Variants in DRC11 observed in about 807,000 individuals in gnomAD.
DRC11 encodes the protein IQ and AAA domain-containing protein 1.
the DRC11 span, among the ~76,000 whole-genome samples, chr2:236,455,924 C>T: frequency 3.3e-5 from 5 of 152,098 alleles, no homozygotes; most frequent in African/African-American, 4.8e-5. This position sits in a 1 kb window ranked among gnomAD's most constrained non-coding sequence, Gnocchi z 5.7. Context: ...GTTATTATCC[C>T]CTCAGCTGCA....
At chr2:236,438,421 T>C in the DRC11 span, among the ~76,000 whole-genome samples, 4 of 148,698 alleles carry the variant, frequency 2.7e-5, no homozygotes, top group Non-Finnish European at 4.4e-5. Flanking sequence ...GACTTGGCGA[T>C]GTGGGCTCTT....
chr2:236,357,224 ATTATAAATG>A, the DRC11 span, among the ~76,000 whole-genome samples: 2 of 117,546 alleles, frequency 1.7e-5, no homozygotes, highest in African/African-American at 7.4e-5. Context: ...GTATATATCT[ATTATAAATG>A]TATATTCATA....
chr2:236,350,523 T>C, the DRC11 span, among the ~76,000 whole-genome samples: 3 of 152,234 alleles, frequency 2.0e-5, no homozygotes. The surrounding 1 kb of genome is among the most constrained non-coding windows in gnomAD (Gnocchi z 5.2). Flanking sequence ...ACATGCTCCA[T>C]GTGTGCCAAG....
the DRC11 span, among the ~76,000 whole-genome samples, chr2:236,357,034 T>C: frequency 3.1e-5 from 3 of 97,790 alleles, no homozygotes; most frequent in African/African-American, 6.7e-5. Flanking sequence ...TATATATTTA[T>C]ATATTCATAT....
At chr2:236,497,733 A>G in the DRC11 span, among the ~76,000 whole-genome samples, 2 of 152,220 alleles carry the variant, frequency 1.3e-5, no homozygotes, top group Non-Finnish European at 1.5e-5. The surrounding 1 kb of genome is among the most constrained non-coding windows in gnomAD (Gnocchi z 5.1). Flanking sequence ...TAAATGATAT[A>G]AAGTTGTTCC....
chr2:236,500,082 AGAT>A, the DRC11 span, among the ~76,000 whole-genome samples: 12,705 of 150,442 alleles, frequency 0.084, 1,645 homozygotes, highest in African/African-American at 0.28. This position sits in a 1 kb window ranked among gnomAD's most constrained non-coding sequence, Gnocchi z 6.3. Context: ...TTTTGGGTTC[AGAT>A]GATGATGATG....
At chr2:236,335,994 A>G in the DRC11 span, among the ~76,000 whole-genome samples, 1 of 152,120 alleles carries the variant, frequency 6.6e-6, no homozygotes, top group African/African-American at 2.4e-5. This position sits in a 1 kb window ranked among gnomAD's most constrained non-coding sequence, Gnocchi z 5.6. Context: ...CTAGTCCTTA[A>G]GATCTTCTGT....
At chr2:236,310,542 T>C in the DRC11 span, among the ~76,000 whole-genome samples, 3 of 152,252 alleles carry the variant, frequency 2.0e-5, no homozygotes, top group African/African-American at 7.2e-5. The surrounding 1 kb of genome is among the most constrained non-coding windows in gnomAD (Gnocchi z 5.5). Flanking sequence ...AAAGACTCTC[T>C]GCATAGAGCA....
chr2:236,474,161 C>T, the DRC11 span, among the ~76,000 whole-genome samples: 1 of 152,018 alleles, frequency 6.6e-6, no homozygotes, highest in South Asian at 2.1e-4. Context: ...CCATATATCT[C>T]TCAATGGTGT....
chr2:236,414,158 T>C, the DRC11 span, among the ~76,000 whole-genome samples: 343 of 152,194 alleles, frequency 2.3e-3, 1 homozygote, highest in African/African-American at 7.8e-3. Context: ...TTTGCAAATA[T>C]TTTCTCCCAT....
At chr2:236,451,618 TAAAA>T in the DRC11 span, among the ~76,000 whole-genome samples, 6 of 152,212 alleles carry the variant, frequency 3.9e-5, no homozygotes, top group Admixed American at 3.9e-4. Flanking sequence ...TGTATGAACT[TAAAA>T]TGATAAGGCT....
the DRC11 span, among the ~76,000 whole-genome samples, chr2:236,356,834 G>A: frequency 2.0e-5 from 3 of 149,968 alleles, no homozygotes; most frequent in Non-Finnish European, 4.4e-5. Flanking sequence ...TTTCACCTGT[G>A]AAATGTTTAT....
At chr2:236,483,332 C>T in the DRC11 span, among the ~76,000 whole-genome samples, 4 of 152,152 alleles carry the variant, frequency 2.6e-5, no homozygotes, top group Non-Finnish European at 5.9e-5. The surrounding 1 kb of genome is among the most constrained non-coding windows in gnomAD (Gnocchi z 4.8). Context: ...ACCTAAACAA[C>T]TAAAAAGCAA....
At chr2:236,399,255 G>A in the DRC11 span, among the ~76,000 whole-genome samples, 2 of 152,060 alleles carry the variant, frequency 1.3e-5, no homozygotes, top group Non-Finnish European at 2.9e-5. The surrounding 1 kb of genome is among the most constrained non-coding windows in gnomAD (Gnocchi z 7.0). Context: ...CTCCCAAAGT[G>A]CTGGGATTAC....
the DRC11 span, among the ~76,000 whole-genome samples, chr2:236,353,846 A>G: frequency 1.3e-5 from 2 of 151,444 alleles, no homozygotes; most frequent in Non-Finnish European, 2.9e-5. This position sits in a 1 kb window ranked among gnomAD's most constrained non-coding sequence, Gnocchi z 5.0. Flanking sequence ...TTGCAGGGGG[A>G]GGGGGCTCAC....
chr2:236,416,597 C>T, the DRC11 span, among the ~76,000 whole-genome samples: 22 of 150,942 alleles, frequency 1.5e-4, no homozygotes, highest in South Asian at 3.4e-3. Context: ...AGAACCACTG[C>T]GGGTCACAGT....
chr2:236,447,578 G>A, the DRC11 span, among the ~76,000 whole-genome samples: 1 of 152,192 alleles, frequency 6.6e-6, no homozygotes, highest in Non-Finnish European at 1.5e-5. The surrounding 1 kb of genome is among the most constrained non-coding windows in gnomAD (Gnocchi z 4.6). Flanking sequence ...ACCAAATGTT[G>A]ACTAATGGTT....
At chr2:236,419,163 T>G in the DRC11 span, 1 of 1,529,552 alleles carries the variant, frequency 6.5e-7, no homozygotes, top group Non-Finnish European at 8.8e-7. The surrounding 1 kb of genome is among the most constrained non-coding windows in gnomAD (Gnocchi z 4.8). Context: ...TTTTTCTCCT[T>G]TGTTCCTTTC....
the DRC11 span, chr2:236,324,756 T>C: frequency 1.2e-5 from 20 of 1,605,568 alleles, no homozygotes; most frequent in East Asian, 2.2e-5. The surrounding 1 kb of genome is among the most constrained non-coding windows in gnomAD (Gnocchi z 5.7). Context: ...GCACGTTTTT[T>C]ACCCAGAGGA....
Sources: allele counts gnomAD v4.1 joint callset (sites outside exome capture counted in the v4.1 genomes callset), GRCh38; gene constraint gnomAD v4.1.1; non-coding constraint Gnocchi (gnomAD v3.1); transcripts MANE v1.5; gene names NCBI Gene and HGNC (gene_info 2026-07-23, HGNC 2026-07-21).